UNC13C: variants seen among roughly 807,000 people sequenced by gnomAD.
UNC13C encodes unc-13 homolog C.
Under a neutral mutation model 245.4 loss-of-function variants are expected in UNC13C, and 174 were observed. That is an observed-to-expected ratio of 0.71 (90% CI 0.63 to 0.80). The LOEUF (loss-of-function observed/expected upper bound fraction) is 0.80. UNC13C is among the 30% of genes least tolerant of loss of function. The pLI, the probability that UNC13C is intolerant of heterozygous loss-of-function variation, is 0.00. For missense variants in UNC13C, 2,829 were observed against 2,602.9 expected (o/e 1.09, Z -1.89); for synonymous variants, 992 against 895.1 (o/e 1.11, Z -1.93).
chr15:54,491,163 T>C (rs1449869055), intron 19 of UNC13C, among the ~76,000 whole-genome samples: 3 of 152,302 alleles, frequency 2.0e-5, no homozygotes, highest in East Asian at 3.9e-4. Flanking sequence ...TGAAACTGAG[T>C]TGCTTTTTTC....
At chr15:53,984,484 T>C (rs1894049094) in intron 1 of UNC13C, among the ~76,000 whole-genome samples, 1 of 152,184 alleles carries the variant, frequency 6.6e-6, no homozygotes, top group African/African-American at 2.4e-5. Context: ...TTAAGTACAG[T>C]GTTTGTGCAA....
chr15:54,582,288 C>A (rs1390368099), intron 30 of UNC13C, among the ~76,000 whole-genome samples: 6 of 152,004 alleles, frequency 3.9e-5, no homozygotes, highest in African/African-American at 1.2e-4. Context: ...ATCTGTGCAA[C>A]CTACCACTGA....
intron 19 of UNC13C, among the ~76,000 whole-genome samples, chr15:54,455,189 C>G (rs1191165928): frequency 6.5e-5 from 3 of 46,410 alleles, no homozygotes; most frequent in African/African-American, 2.2e-4. Flanking sequence ...CTCTCTCTCT[C>G]TCTCTCTCTC....
chr15:53,908,654 C>CA, the UNC13C span, among the ~76,000 whole-genome samples: 1 of 135,690 alleles, frequency 7.4e-6, no homozygotes. Flanking sequence ...TGGGGGACTG[C>CA]AGAAGGAGGA....
At chr15:54,223,267 G>T (rs369942924) in intron 4 of UNC13C, among the ~76,000 whole-genome samples, 2 of 152,002 alleles carry the variant, frequency 1.3e-5, no homozygotes, top group East Asian at 1.9e-4. Flanking sequence ...TTTGATTTTC[G>T]TATACGGTGA....
intron 30 of UNC13C, among the ~76,000 whole-genome samples, chr15:54,615,783 G>A (rs565042478): frequency 6.6e-6 from 1 of 152,108 alleles, no homozygotes; most frequent in East Asian, 1.9e-4. Flanking sequence ...GCTACCTACT[G>A]CCCAAGTTCT....
chr15:54,164,249 T>C (rs1595932608), intron 4 of UNC13C, among the ~76,000 whole-genome samples: 1 of 152,184 alleles, frequency 6.6e-6, no homozygotes, highest in Non-Finnish European at 1.5e-5. Context: ...TATATACACA[T>C]GTAATTTAAA....
chr15:54,391,993 C>T (rs1055492893), intron 17 of UNC13C, among the ~76,000 whole-genome samples: 1 of 151,984 alleles, frequency 6.6e-6, no homozygotes, highest in Non-Finnish European at 1.5e-5. Context: ...TAGTTTGGGC[C>T]AAATACAATC....
intron 19 of UNC13C, among the ~76,000 whole-genome samples, chr15:54,492,797 C>A (rs906104820): frequency 2.0e-5 from 3 of 152,208 alleles, no homozygotes; most frequent in African/African-American, 7.2e-5. Context: ...AAAGCAGTAT[C>A]TTTCTGTTGT....
chr15:53,854,122 G>GTTTTTTTTTTTT, the UNC13C span, among the ~76,000 whole-genome samples: 62 of 133,536 alleles, frequency 4.6e-4, no homozygotes, highest in Non-Finnish European at 6.8e-4. Context: ...GTTTTTATAG[G>GTTTTTTTTTTTT]TTTTTTTTTT....
At chr15:54,066,299 A>G (rs1179239206) in intron 2 of UNC13C, among the ~76,000 whole-genome samples, 1 of 152,210 alleles carries the variant, frequency 6.6e-6, no homozygotes, top group African/African-American at 2.4e-5. Context: ...GCTAAGAAAT[A>G]CAAGCTGATT....
At chr15:54,316,852 C>A (rs2038021882) in intron 13 of UNC13C, among the ~76,000 whole-genome samples, 1 of 151,920 alleles carries the variant, frequency 6.6e-6, no homozygotes, top group African/African-American at 2.4e-5. Context: ...TATGGCCCAC[C>A]CAAACCTTTT....
At chr15:54,265,696 G>A (rs1041372324) in intron 10 of UNC13C, among the ~76,000 whole-genome samples, 200 bp downstream of exon 10, 3 of 151,884 alleles carry the variant, frequency 2.0e-5, no homozygotes, top group African/African-American at 4.8e-5. Context: ...GGAAGCAAGT[G>A]AATAAGAAGA....
Position 54,471,785 on chromosome 15 carries a change from A to G in UNC13C, c.4934-22823A>G, listed in dbSNP as rs1016093853. 2.6e-5 allele frequency among the ~76,000 whole-genome samples: 4 copies of G among 151,638 alleles called. No homozygotes were observed. In the East Asian group the frequency reaches 7.7e-4, roughly 29 times the overall value. On this transcript the variant is annotated intron_variant, in intron 19 of 32. Coordinates refer to ENST00000260323, the MANE Select transcript of UNC13C (RefSeq NM_001080534.3). ...ATGTCTGTTTGATGTAGTTCAAATTAATGCTTTTTAAATTGATTTTCTATT... is the reference window on the plus strand; with the variant it reads ...ATGTCTGTTTGATGTAGTTCAAATTGATGCTTTTTAAATTGATTTTCTATT...
chr15:54,576,576 G>T (rs906971956), intron 30 of UNC13C, among the ~76,000 whole-genome samples: 2 of 152,162 alleles, frequency 1.3e-5, no homozygotes, highest in Non-Finnish European at 2.9e-5. Context: ...ATAAACAGAG[G>T]AACTGACGTT....
intron 19 of UNC13C, among the ~76,000 whole-genome samples, chr15:54,474,133 T>C (rs755834052): frequency 2.0e-5 from 3 of 152,012 alleles, no homozygotes; most frequent in Non-Finnish European, 4.4e-5. Context: ...GGGGTGCAGG[T>C]ATTTCTTTTA....
At chr15:54,226,468 G>A (rs2035387133) in intron 4 of UNC13C, among the ~76,000 whole-genome samples, 1 of 152,132 alleles carries the variant, frequency 6.6e-6, no homozygotes, top group Admixed American at 6.5e-5. Flanking sequence ...CAGGGTCCTT[G>A]GAGTGTCAAT....
chr15:54,072,095 T>C (rs1266516784), intron 2 of UNC13C, among the ~76,000 whole-genome samples: 4 of 152,156 alleles, frequency 2.6e-5, no homozygotes, highest in Non-Finnish European at 5.9e-5. Context: ...ACTTTTCCCA[T>C]AGACTTTGTG....
At chr15:54,553,050 C>G (rs1236376600) in intron 28 of UNC13C, among the ~76,000 whole-genome samples, 1 of 29,740 alleles carries the variant, frequency 3.4e-5, no homozygotes, top group South Asian at 9.7e-4. Context: ...ATATTGTATT[C>G]TATATTACAA....
Sources: allele counts gnomAD v4.1 joint callset (sites outside exome capture counted in the v4.1 genomes callset), GRCh38; gene constraint gnomAD v4.1.1; transcripts MANE v1.5; gene names NCBI Gene and HGNC (gene_info 2026-07-23, HGNC 2026-07-21).